LRRC34: variants seen among roughly 807,000 people sequenced by gnomAD.
LRRC34 encodes the protein leucine rich repeat containing 34, also known as leucine-rich repeat-containing protein 34.
LRRC34 carries 44 observed loss-of-function variants against 48.5 expected under a neutral mutation model. The observed-to-expected ratio is 0.91, with a 90% CI of 0.71 to 1.17. The LOEUF is 1.17. Ranked by LOEUF, LRRC34 falls within the 50% of genes most tolerant of loss-of-function variation. LRRC34 has a pLI of 0.00. For missense variants in LRRC34, 502 were observed against 563.0 expected (o/e 0.89, Z 1.10); for synonymous variants, 192 against 197.6 (o/e 0.97, Z 0.24).
intron 1 of LRRC34, among the ~76,000 whole-genome samples, chr3:169,810,792 C>T (rs918930086): frequency 6.6e-6 from 1 of 152,314 alleles, no homozygotes; most frequent in Admixed American, 6.5e-5. Flanking sequence ...CGGCCGGGTG[C>T]GGTGGCTTAC....
chr3:169,801,839 G>T (rs979383428), intron 6 of LRRC34, among the ~76,000 whole-genome samples: 2 of 152,026 alleles, frequency 1.3e-5, no homozygotes, highest in African/African-American at 4.8e-5. Flanking sequence ...TTGAGATAGG[G>T]TCTCACTCTG....
Position 169,812,603 on chromosome 3 carries a change from C to A in LRRC34, c.-55G>T. 1 of 1,418,746 alleles carries A rather than the reference C, an allele frequency of 7.0e-7. No homozygotes were observed. Among genetic ancestry groups the A allele is most frequent in the South Asian group, 1.5e-5 (1 of 66,070 alleles). The allele number at this position is 1,418,746 out of a possible 1,614,324, so 87.9% of individuals were successfully genotyped here. On this transcript the variant is annotated 5_prime_UTR_variant, in exon 1 of 11. Transcript: ENST00000446859. The surrounding 1 kb of genome is among the most constrained non-coding windows in gnomAD (Gnocchi z 4.3). ...TGCAGCTGTGAGGCGGCTACACGAG[C>A]CTCGGCGCCAGCCTGCTTCGAGTCC...
intron 6 of LRRC34, among the ~76,000 whole-genome samples, chr3:169,803,667 G>C (rs1427131649): frequency 1.3e-5 from 2 of 152,036 alleles, no homozygotes; most frequent in East Asian, 1.9e-4. Flanking sequence ...CCTCACCTCG[G>C]GTGATCCACC....
chr3:169,805,215 T>G (rs1030723141), intron 5 of LRRC34, among the ~76,000 whole-genome samples: 10 of 151,978 alleles, frequency 6.6e-5, no homozygotes, highest in Non-Finnish European at 1.5e-5. Context: ...GAAGTGAAAC[T>G]CTGTATGTGA....
intron 1 of LRRC34, among the ~76,000 whole-genome samples, chr3:169,811,494 G>T (rs1221040253): frequency 6.6e-6 from 1 of 152,080 alleles, no homozygotes; most frequent in Non-Finnish European, 1.5e-5. Context: ...ATTCATATTA[G>T]AAGGAAAATA....
chr3:169,797,978 A>G (rs1779055806), intron 7 of LRRC34, among the ~76,000 whole-genome samples: 1 of 152,222 alleles, frequency 6.6e-6, no homozygotes, highest in Admixed American at 6.5e-5. Flanking sequence ...TTATTGTTCA[A>G]TATTCTGTAA....
chr3:169,796,354 A>C lies in LRRC34; in HGVS notation c.924T>G (p.His308Gln), dbSNP rs1560595968. 6.2e-7 allele frequency: 1 copy of C among 1,603,242 alleles called. No individual in the cohort carries two copies. Among genetic ancestry groups the C allele is most frequent in the African/African-American group, 1.3e-5 (1 of 74,434 alleles). Residue 308 changes from histidine to glutamine, a missense_variant, in exon 9 of 11, where the codon CAT becomes CAG. By Grantham distance (24) the His-to-Gln change is conservative. Coordinates refer to ENST00000446859, the MANE Select transcript of LRRC34 (RefSeq NM_001172779.2). The stretch of plus-strand genomic sequence containing the variant: ...CATCAGCCAAATACACCATTCCATC[A>C]TGAGTTATTTTGTTGCTGGCAAAGG... ...YLDVSCNKIT[H>Q]DGMVYLADVL...
chr3:169,796,273 T>C lies in LRRC34; in HGVS notation c.1005A>G (p.Glu335=). The C allele has an allele frequency of 6.2e-7, 1 of 1,612,850 alleles. No homozygotes were observed. The highest frequency in any genetic ancestry group is 8.5e-7 in the Non-Finnish European group (1 of 1,179,550). The stretch of plus-strand genomic sequence containing the variant: ...CACTGAGATAGTTTGCGCCTGCATT[T>C]TCTATTCTGTTAAAGGAAAGATCTA... The part of the protein sequence containing the change: ...EVIDLSFNRI[E]NAGANYLSET... Residue 335 remains glutamate (E), a synonymous_variant, in exon 9 of 11, where the codon GAA becomes GAG. Transcript: ENST00000446859.
At position 169,807,364 on chromosome 3, in the gene LRRC34, G is replaced by T. The variant is rs1486906236; in HGVS notation, c.444+62C>A. The T allele has an allele frequency of 2.8e-6, 4 of 1,440,514 alleles. No homozygotes were observed. The African/African-American group carries it at 4.2e-5, about 15-fold the overall frequency. The allele number at this position is 1,440,514 out of a possible 1,614,324, so 89.2% of individuals were successfully genotyped here. On this transcript the variant is annotated intron_variant, in intron 4 of 10. Transcript: ENST00000446859. ...GGTAAAACTAGTGTTTTATGTGTGT[G>T]TCATTAGACTAATTGGTTTCATTGT...
chr3:169,807,371 G>A, intron 4 of LRRC34, 55 bp downstream of exon 4: 1 of 1,486,020 alleles, frequency 6.7e-7, no homozygotes, highest in Non-Finnish European at 9.4e-7. Context: ...TGTGTCATTA[G>A]ACTAATTGGT....
intron 9 of LRRC34, 136 bp downstream of exon 9, chr3:169,796,078 A>G: frequency 6.0e-6 from 8 of 1,325,176 alleles, no homozygotes; most frequent in Non-Finnish European, 7.8e-6. Context: ...GTAAATGTTT[A>G]CTGTAACTTA....
chr3:169,795,665 C>T (rs963723792), intron 9 of LRRC34, 54 bp from the exon 10 acceptor site: 1 of 1,577,916 alleles, frequency 6.3e-7, no homozygotes, highest in Admixed American at 1.7e-5. Context: ...ACATTTATTA[C>T]AAACACTTTC....
At chr3:169,797,311 CT>C (rs1252452217) in intron 7 of LRRC34, among the ~76,000 whole-genome samples, 2 of 152,090 alleles carry the variant, frequency 1.3e-5, no homozygotes, top group Non-Finnish European at 2.9e-5. Flanking sequence ...GATCTCTACT[CT>C]TGATGGTTTT....
chr3:169,803,940 CTT>C, intron 6 of LRRC34, 111 bp downstream of exon 6: 2 of 1,028,962 alleles, frequency 1.9e-6, no homozygotes, highest in Non-Finnish European at 2.7e-6. Flanking sequence ...GGAAAAACAC[CTT>C]TTCTCTGATA....
rs200709323 is a variant in LRRC34 at position 169,796,213 on chromosome 3, C to T, written c.1064+1G>A. ...TTGATTAAATATAAAACCATACTAACGCTTTAAGACTCCTGTTGTGTGAAG... is the reference window on the plus strand; with the variant it reads ...TTGATTAAATATAAAACCATACTAATGCTTTAAGACTCCTGTTGTGTGAAG... On this transcript the variant is annotated splice_donor_variant, in intron 9 of 10. Transcript: ENST00000446859. LOFTEE classifies it high-confidence loss of function. 65 of 1,592,832 alleles carry T rather than the reference C, an allele frequency of 4.1e-5. No homozygotes were observed. Among genetic ancestry groups the T allele is most frequent in the East Asian group, 2.3e-4 (10 of 44,162 alleles).
intron 5 of LRRC34, among the ~76,000 whole-genome samples, chr3:169,804,585 G>A (rs1308981619): frequency 6.7e-5 from 10 of 148,526 alleles, no homozygotes; most frequent in East Asian, 2.2e-4. Context: ...ATGAGCCACC[G>A]CGCCCAGCCA....
chr3:169,812,334 T>C lies in LRRC34; in HGVS notation c.139+76A>G. 6.9e-7 allele frequency: 1 copy of C among 1,456,578 alleles called. No homozygotes were observed. The highest frequency in any genetic ancestry group is 9.0e-7 in the Non-Finnish European group (1 of 1,109,236). 90.2% of individuals were successfully genotyped at this position (1,456,578 alleles called of 1,614,324 possible). On this transcript the variant is annotated intron_variant, in intron 1 of 10. Transcript: ENST00000446859. This position sits in a 1 kb window ranked among gnomAD's most constrained non-coding sequence, Gnocchi z 4.3. ...TGGGCTGGCGGGCTGCTGGGAGGAC[T>C]CCTGCCGTGCGACCCCGGCGCCCCT...
At chr3:169,809,597 T>A (rs914422871) in intron 1 of LRRC34, among the ~76,000 whole-genome samples, 8 of 152,236 alleles carry the variant, frequency 5.3e-5, no homozygotes, top group Non-Finnish European at 1.2e-4. Flanking sequence ...AAGGCCTACA[T>A]CTTCTGGGGT....
chr3:169,806,635 T>C (rs939712392), intron 5 of LRRC34, among the ~76,000 whole-genome samples: 1 of 152,198 alleles, frequency 6.6e-6, no homozygotes, highest in Non-Finnish European at 1.5e-5. Flanking sequence ...TTTCAAAGGG[T>C]ATATTTTATG....
Sources: allele counts gnomAD v4.1 joint callset (sites outside exome capture counted in the v4.1 genomes callset), GRCh38; gene constraint gnomAD v4.1.1; non-coding constraint Gnocchi (gnomAD v3.1); transcripts MANE v1.5; gene names NCBI Gene and HGNC (gene_info 2026-07-23, HGNC 2026-07-21).